The following NAA11 variants were observed in gnomAD, a reference collection of about 807,000 sequenced individuals.
NAA11 encodes the protein N-alpha-acetyltransferase 11.
In NAA11, 15 loss-of-function variants were observed where a neutral mutation model predicts 16.1. That is an observed-to-expected ratio of 0.93 (90% CI 0.62 to 1.44). The LOEUF (loss-of-function observed/expected upper bound fraction) is 1.44, where lower values mean the gene tolerates loss of function less well. Ranked by LOEUF, NAA11 falls within the 40% of genes most tolerant of loss-of-function variation. The pLI is 0.00. For synonymous variants in NAA11, 122 were observed against 112.4 expected (o/e 1.09, Z -0.54); for missense variants, 298 against 291.3 (o/e 1.02, Z -0.17).
At chr4:79,203,756 C>G in the NAA11 span, among the ~76,000 whole-genome samples, 1 of 151,180 alleles carries the variant, frequency 6.6e-6, no homozygotes. Flanking sequence ...CAATAAAAAG[C>G]AAGTAAACTG....
the NAA11 span, among the ~76,000 whole-genome samples, chr4:79,204,070 A>G: frequency 6.6e-6 from 1 of 151,896 alleles, no homozygotes; most frequent in Admixed American, 6.6e-5. Flanking sequence ...GTAAATTGAT[A>G]TAACTTTTCT....
At position 79,325,422 on chromosome 4, in the gene NAA11, C is replaced by A. The variant is rs747393843; in HGVS notation, c.456G>T (p.Ser152=). The A allele has an allele frequency of 5.6e-6, 9 of 1,614,060 alleles. No individual in the cohort carries two copies. The Admixed American group carries it at 1.3e-4, about 24-fold the overall frequency. ...EDAYAMKRDL[S]QMADELRRQM... is the part of the protein sequence containing the mutation. ...GTCGTCTCAGCTCATCTGCCATCTG[C>A]GAGAGATCCCGCTTCATAGCATAAG... The change falls in exon 1 of 2, where the codon TCG becomes TCT. Residue 152 remains serine (S), a synonymous_variant. Coordinates refer to ENST00000286794, the MANE Select transcript of NAA11 (RefSeq NM_032693.3).
the NAA11 span, among the ~76,000 whole-genome samples, chr4:79,167,425 G>C: frequency 6.6e-6 from 1 of 150,830 alleles, no homozygotes; most frequent in Non-Finnish European, 1.5e-5. Context: ...CAATGATAGG[G>C]ATAGATATCA....
the NAA11 span, among the ~76,000 whole-genome samples, chr4:79,203,173 CA>C: frequency 6.6e-6 from 1 of 150,816 alleles, no homozygotes; most frequent in Non-Finnish European, 1.5e-5. Context: ...ATCCAAGTCT[CA>C]AAAAAAAGGC....
the NAA11 span, among the ~76,000 whole-genome samples, chr4:79,157,826 A>G: frequency 8.5e-5 from 13 of 152,192 alleles, no homozygotes; most frequent in African/African-American, 1.7e-4. Context: ...AGCCAGAGCA[A>G]TCACACAAGA....
At chr4:79,269,827 TG>T (rs1722447869) in intron 2 of NAA11, among the ~76,000 whole-genome samples, 1 of 145,922 alleles carries the variant, frequency 6.9e-6, no homozygotes, top group Admixed American at 6.8e-5. Context: ...AGGGTTTTTA[TG>T]GTTTTAGGTC....
At chr4:79,303,224 C>T (rs1356930850) in intron 1 of NAA11, among the ~76,000 whole-genome samples, 1 of 151,102 alleles carries the variant, frequency 6.6e-6, no homozygotes, top group Non-Finnish European at 1.5e-5. Flanking sequence ...TTACTGCTAA[C>T]ATGGACCATC....
the NAA11 span, among the ~76,000 whole-genome samples, chr4:79,169,790 C>A: frequency 6.6e-6 from 1 of 152,110 alleles, no homozygotes; most frequent in Non-Finnish European, 1.5e-5. Flanking sequence ...GAAAACAACA[C>A]CAAGGGGAAC....
At chr4:79,244,725 C>CGGAG (rs1309544153) in intron 2 of NAA11, 2 of 149,418 alleles carry the variant, frequency 1.3e-5, no homozygotes, top group African/African-American at 2.5e-5. Context: ...TGCAGCCTCC[C>CGGAG]TGCCTGATTC....
At chr4:79,161,346 T>G in the NAA11 span, among the ~76,000 whole-genome samples, 1 of 152,278 alleles carries the variant, frequency 6.6e-6, no homozygotes, top group South Asian at 2.1e-4. Context: ...TATAAGGGTT[T>G]ATTTCTGGAT....
At chr4:79,206,999 C>T in the NAA11 span, among the ~76,000 whole-genome samples, 1 of 151,974 alleles carries the variant, frequency 6.6e-6, no homozygotes, top group Admixed American at 6.6e-5. Context: ...TTGATCTCAG[C>T]TTGGTCATTA....
At chr4:79,309,873 G>A (rs896153102) in intron 1 of NAA11, among the ~76,000 whole-genome samples, 3 of 151,692 alleles carry the variant, frequency 2.0e-5, no homozygotes, top group Non-Finnish European at 4.4e-5. Context: ...CCGCCACCAC[G>A]CCCGGCTAAT....
In NAA11 at chr4:79,316,717, AAAT is replaced by A. The variant is rs201824655; in HGVS notation, c.*1084_*1086del. On this transcript the variant is annotated 3_prime_UTR_variant, in exon 2 of 2. Coordinates refer to ENST00000286794, the MANE Select transcript of NAA11 (RefSeq NM_032693.3). ...GTCTTCACTTATTTTTACTAGAGAA[AAAT>A]AATAAAAATAGATTATAATTGTAGG... 3 of 152,342 alleles carry A rather than the reference AAAT, an allele frequency of 2.0e-5. No individual in the cohort carries two copies. Among genetic ancestry groups the A allele is most frequent in the East Asian group, 3.9e-4 (2 of 5,192 alleles). The allele number at this position is 152,342 out of a possible 1,614,324, so 9.4% of individuals were successfully genotyped here.
chr4:79,250,431 C>T (rs895283447), intron 2 of NAA11, among the ~76,000 whole-genome samples: 2 of 152,184 alleles, frequency 1.3e-5, no homozygotes, highest in Non-Finnish European at 2.9e-5. Flanking sequence ...TCCACAGGAA[C>T]TCGGAGACTG....
At chr4:79,170,261 C>G in the NAA11 span, among the ~76,000 whole-genome samples, 3 of 152,126 alleles carry the variant, frequency 2.0e-5, no homozygotes, top group Non-Finnish European at 2.9e-5. Context: ...TATTTTTGGA[C>G]AAGGGGCTTT....
At chr4:79,211,084 T>G in the NAA11 span, among the ~76,000 whole-genome samples, 1 of 152,218 alleles carries the variant, frequency 6.6e-6, no homozygotes, top group African/African-American at 2.4e-5. Flanking sequence ...AATTCAGCAT[T>G]AAGTATTTAT....
At chr4:79,177,071 G>T in the NAA11 span, among the ~76,000 whole-genome samples, 6 of 151,916 alleles carry the variant, frequency 3.9e-5, no homozygotes, top group African/African-American at 1.5e-4. Context: ...TGAGGTTGTT[G>T]TCTCACAGAT....
chr4:79,222,180 T>G (rs1721202798), downstream of NAA11, among the ~76,000 whole-genome samples: 1 of 152,204 alleles, frequency 6.6e-6, no homozygotes, highest in South Asian at 2.1e-4. Context: ...TTTGTAGTAT[T>G]CTCTGATGGT....
In NAA11 at chr4:79,326,005, G is replaced by A; in HGVS notation, c.-128C>T. The A allele has an allele frequency of 1.3e-6, 1 of 759,640 alleles. No homozygotes were observed. The highest frequency in any genetic ancestry group is 1.9e-5 in the South Asian group (1 of 52,680). The allele number at this position is 759,640 out of a possible 1,614,324, so 47.1% of individuals were successfully genotyped here. A position where few individuals can be genotyped will look rare whatever the true frequency, so the allele number is the denominator to read the frequency against. The stretch of plus-strand genomic sequence containing the variant: ...TAACACCACCGGGCTGAATCGTGTG[G>A]AGGGCGGATGGCGGGAAGGCGGAAG... On this transcript the variant is annotated 5_prime_UTR_variant, in exon 1 of 2. Transcript: ENST00000286794.
Sources: allele counts gnomAD v4.1 joint callset (sites outside exome capture counted in the v4.1 genomes callset), GRCh38; gene constraint gnomAD v4.1.1; transcripts MANE v1.5; gene names NCBI Gene and HGNC (gene_info 2026-07-23, HGNC 2026-07-21).